The following RCHY1 variants were observed in gnomAD, a reference collection of about 807,000 sequenced individuals.
RCHY1 encodes the protein RING finger and CHY zinc finger domain-containing protein 1.
A neutral mutation model predicts 41.6 loss-of-function variants in RCHY1; 21 were observed. The observed-to-expected ratio is 0.51, with a 90% CI of 0.36 to 0.73. The LOEUF (loss-of-function observed/expected upper bound fraction) is 0.73. RCHY1 is among the 30% of genes least tolerant of loss of function. RCHY1 has a pLI of 0.00. For missense variants in RCHY1, 265 were observed against 325.3 expected (o/e 0.81, Z 1.43); for synonymous variants, 79 against 102.9 (o/e 0.77, Z 1.41).
chr4:75,502,196 A>C (rs1723840759), intron 3 of RCHY1, among the ~76,000 whole-genome samples: 1 of 152,032 alleles, frequency 6.6e-6, no homozygotes, highest in Admixed American at 6.5e-5. Context: ...TTTTTTAATC[A>C]ATTCTGTTTT....
At chr4:75,492,083 T>G (rs1389665769) in intron 4 of RCHY1, 150 bp from the exon 5 acceptor site, 5 of 548,660 alleles carry the variant, frequency 9.1e-6, no homozygotes, top group Non-Finnish European at 1.2e-5. Context: ...AAGAGTTTTT[T>G]AATAGTTATT....
chr4:75,484,248 A>T (rs576423588), intron 8 of RCHY1, among the ~76,000 whole-genome samples: 1 of 152,322 alleles, frequency 6.6e-6, no homozygotes, highest in South Asian at 2.1e-4. Context: ...GCTCTCTTGC[A>T]GCCATTAGGA....
At chr4:75,505,516 C>A (rs1163351099) in intron 3 of RCHY1, among the ~76,000 whole-genome samples, 1 of 151,562 alleles carries the variant, frequency 6.6e-6, no homozygotes, top group Non-Finnish European at 1.5e-5. Context: ...TAATTAGAAG[C>A]TATGTGTAGA....
chr4:75,503,948 T>G (rs956374394), intron 3 of RCHY1, among the ~76,000 whole-genome samples: 2 of 152,178 alleles, frequency 1.3e-5, no homozygotes, highest in African/African-American at 4.8e-5. Flanking sequence ...TGAAAAAAAT[T>G]CATTAAAATG....
intron 3 of RCHY1, among the ~76,000 whole-genome samples, chr4:75,503,385 A>G (rs1208813175): frequency 6.6e-6 from 1 of 152,204 alleles, no homozygotes; most frequent in African/African-American, 2.4e-5. Flanking sequence ...AATGAACAAT[A>G]TATTTCTAAG....
At chr4:75,487,617 TATATATATTCATAATATATATATTC>T (rs1560512797) in intron 8 of RCHY1, among the ~76,000 whole-genome samples, 4 of 22,984 alleles carry the variant, frequency 1.7e-4, no homozygotes, top group East Asian at 1.1e-3. Context: ...ATATTCATAA[TATATATATTCATAATATATATATTC>T]ATATATATTC....
intron 8 of RCHY1, among the ~76,000 whole-genome samples, chr4:75,487,882 T>C (rs1258227000): frequency 2.6e-5 from 2 of 76,182 alleles, no homozygotes; most frequent in South Asian, 3.7e-4. Flanking sequence ...ATATTCATAA[T>C]ATATATATTC....
In RCHY1 at chr4:75,480,153, A is replaced by G. The variant is rs1721409349; in HGVS notation, c.*2385T>C. On this transcript the variant is annotated 3_prime_UTR_variant, in exon 9 of 9. Transcript: ENST00000324439. ...GAAGCAACCCTGGGTACCGAAGCCT[A>G]GAGACTTTGAGTACATTTGAAAATT... 6.6e-6 allele frequency: 1 copy of G among 152,164 alleles called. No individual in the cohort carries two copies. Among genetic ancestry groups the G allele is most frequent in the South Asian group, 2.1e-4 (1 of 4,832 alleles). The allele number at this position is 152,164 out of a possible 1,614,324, so 9.4% of individuals were successfully genotyped here.
intron 8 of RCHY1, among the ~76,000 whole-genome samples, chr4:75,490,288 T>C (rs540437258): frequency 3.0e-4 from 46 of 152,234 alleles, no homozygotes; most frequent in African/African-American, 1.1e-3. Context: ...CCTAGTCAGT[T>C]ATATTACTGA....
chr4:75,510,885 A>G (rs562350161), intron 1 of RCHY1, among the ~76,000 whole-genome samples: 4 of 152,286 alleles, frequency 2.6e-5, no homozygotes, highest in African/African-American at 9.6e-5. Context: ...TATGCATTCA[A>G]ACAGTTGTGG....
In RCHY1 at chr4:75,481,136, G is replaced by A. The variant is rs1721493282; in HGVS notation, c.*1402C>T. ...GATGAAGGGAAAGAACATAAGAAGA[G>A]TGGAATACAGAAGACAAGAAGGTGG... On this transcript the variant is annotated 3_prime_UTR_variant, in exon 9 of 9. Transcript: ENST00000324439. The A allele has an allele frequency of 1.3e-5, 2 of 152,244 alleles. No homozygotes were observed. Among genetic ancestry groups the A allele is most frequent in the African/African-American group, 2.4e-5 (1 of 41,456 alleles). The allele number at this position is 152,244 out of a possible 1,614,324, so 9.4% of individuals were successfully genotyped here.
At chr4:75,505,635 T>C (rs1379329182) in intron 3 of RCHY1, among the ~76,000 whole-genome samples, 2 of 152,110 alleles carry the variant, frequency 1.3e-5, no homozygotes, top group Non-Finnish European at 2.9e-5. Context: ...AAAAAGGCCA[T>C]ATATATGATT....
At position 75,508,865 on chromosome 4, in the gene RCHY1, T is replaced by G. The variant is rs1724582524; in HGVS notation, c.281A>C (p.Asp94Ala). 6.2e-7 allele frequency: 1 copy of G among 1,611,684 alleles called. No homozygotes were observed. Among genetic ancestry groups the G allele is most frequent in the Admixed American group, 1.7e-5 (1 of 59,564 alleles). ...ACAGTGATACTGCTTCTTATCTTTGTCAAACAAATGGCATATATCGCAATA... is the reference window on the plus strand; with the variant it reads ...ACAGTGATACTGCTTCTTATCTTTGGCAAACAAATGGCATATATCGCAATA... ...EYYCDICHLF[D>A]KDKKQYHCEN... The change falls in exon 3 of 9, where the codon GAC becomes GCC. Residue 94 changes from aspartate to alanine, a missense_variant. Transcript: ENST00000324439.
At chr4:75,502,347 T>C (rs1723859176) in intron 3 of RCHY1, among the ~76,000 whole-genome samples, 1 of 152,044 alleles carries the variant, frequency 6.6e-6, no homozygotes, top group Admixed American at 6.5e-5. Context: ...GAGACCATGC[T>C]GGCTAACACG....
intron 4 of RCHY1, among the ~76,000 whole-genome samples, chr4:75,493,644 A>T (rs1722941195): frequency 6.6e-6 from 1 of 151,790 alleles, no homozygotes; most frequent in South Asian, 2.1e-4. Context: ...ATTTTTTTTT[A>T]AATAATGAAA....
chr4:75,494,427 A>C, intron 3 of RCHY1: 1 of 380,228 alleles, frequency 2.6e-6, no homozygotes, highest in Admixed American at 4.9e-5. Flanking sequence ...ACACAGACAC[A>C]CACACACATT....
At chr4:75,491,355 A>C in intron 7 of RCHY1, 22 of 334,374 alleles carry the variant, frequency 6.6e-5, no homozygotes, top group East Asian at 2.6e-4. Flanking sequence ...CCTGGTATAT[A>C]TGGCCAGAAA....
intron 8 of RCHY1, among the ~76,000 whole-genome samples, chr4:75,487,866 TAA>T (rs1722376195): frequency 1.4e-5 from 1 of 71,402 alleles, no homozygotes; most frequent in Non-Finnish European, 3.3e-5. Context: ...TATATATTCA[TAA>T]TATATATTCA....
intron 7 of RCHY1, 22 bp from the exon 8 acceptor site, chr4:75,490,723 T>G (rs759143626): frequency 1.9e-6 from 3 of 1,579,906 alleles, no homozygotes; most frequent in African/African-American, 1.4e-5. Context: ...AGAAAGGTTA[T>G]TTTCCAAATA....
Sources: gnomAD v4.1 joint callset for allele counts (sites outside exome capture counted in the v4.1 genomes callset) on GRCh38, gnomAD v4.1.1 for gene constraint, MANE v1.5 for transcripts, NCBI Gene and HGNC (gene_info 2026-07-23, HGNC 2026-07-21) for gene names.